The following TANGO6 variants were observed in gnomAD, a reference collection of about 807,000 sequenced individuals.
TANGO6 encodes the protein transport and golgi organization 6 homolog.
Under a neutral mutation model 114.2 loss-of-function variants are expected in TANGO6, and 90 were observed. That is an observed-to-expected ratio of 0.79 (90% confidence interval 0.66 to 0.94). The LOEUF is 0.94. Among genes scored for constraint, TANGO6 ranks in the 40% least tolerant of loss-of-function variants. TANGO6 has a pLI of 0.00. For synonymous variants in TANGO6, 477 were observed against 509.8 expected, an observed-to-expected ratio of 0.94 and a Z score of 0.87; for missense variants, 1,274 against 1,315.3, an observed-to-expected ratio of 0.97 and a Z score of 0.49.
At chr16:69,023,413 G>A (rs1475710991) in intron 16 of TANGO6, among the ~76,000 whole-genome samples, 2 of 151,948 alleles carry the variant, frequency 1.3e-5, no homozygotes, top group Non-Finnish European at 2.9e-5. Flanking sequence ...CCAAGATCAC[G>A]CCACTGCACT....
rs369107985 is a variant in TANGO6 at position 68,860,277 on chromosome 16, C to T, written c.488C>T (p.Pro163Leu). Residue 163 changes from proline (P) to leucine (L), a missense_variant, in exon 2 of 18, where the codon CCT becomes CTT. Around this residue, in one of 5 missense-constraint regions of TANGO6, gnomAD observed 908 missense variants for 910.2 expected, o/e 1.00. Coordinates refer to ENST00000261778, the MANE Select transcript of TANGO6 (RefSeq NM_024562.2). ...VTLGICPYLM[P>L]GVGVPLRYRT... ...TTGGGTATCTGCCCCTATCTCATGC[C>T]TGGTGTTGGAGTCCCTTTGAGATAT... 3 of 1,613,836 alleles carry T rather than the reference C, an allele frequency of 1.9e-6. No homozygotes were observed. In the Admixed American group the frequency reaches 5.0e-5, roughly 27 times the overall value.
rs571655235 is a variant in TANGO6, at chr16:68,928,386, G to A, written c.2643+303G>A. ...GTGGTGCAATCTCGGCTCACTGCAA[G>A]CTCCGCCTTCTGGGTTCACACCATT... On this transcript the variant is annotated intron_variant, in intron 13 of 17. Coordinates refer to ENST00000261778, the MANE Select transcript of TANGO6 (RefSeq NM_024562.2). Among the ~76,000 whole-genome samples, 29 of 138,526 alleles carry A rather than the reference G, an allele frequency of 2.1e-4. No individual in the cohort carries two copies. In the South Asian group the frequency reaches 6.0e-3, roughly 29 times the overall value. 90.9% of individuals were successfully genotyped at this position (138,526 alleles called of 152,430 possible).
At chr16:68,964,507 T>G (rs1178364318) in intron 14 of TANGO6, among the ~76,000 whole-genome samples, 1 of 151,940 alleles carries the variant, frequency 6.6e-6, no homozygotes, top group East Asian at 1.9e-4. Context: ...ATCTTGCTTT[T>G]TACTTAACAA....
intron 17 of TANGO6, among the ~76,000 whole-genome samples, chr16:69,054,940 CAAAAAA>C (rs35840863): frequency 1.5e-5 from 1 of 68,928 alleles, no homozygotes; most frequent in African/African-American, 6.0e-5. Flanking sequence ...GACTCCGTCT[CAAAAAA>C]AAAAAAAAAA....
intron 15 of TANGO6, among the ~76,000 whole-genome samples, chr16:69,020,345 G>A (rs929358640): frequency 6.6e-6 from 1 of 152,182 alleles, no homozygotes; most frequent in Non-Finnish European, 1.5e-5. Context: ...GACCTGATGG[G>A]ATCAGAGATG....
At chr16:69,005,431 C>T (rs1964083646) in intron 15 of TANGO6, among the ~76,000 whole-genome samples, 1 of 152,114 alleles carries the variant, frequency 6.6e-6, no homozygotes, top group Non-Finnish European at 1.5e-5. Flanking sequence ...GCTCCCAAGC[C>T]AGAGGTCTTA....
intron 15 of TANGO6, among the ~76,000 whole-genome samples, chr16:68,980,411 A>C (rs9922646): frequency 0.35 from 14,390 of 40,752 alleles, 2,131 homozygotes; most frequent in Non-Finnish European, 0.44. Context: ...CTCTCTCTCT[A>C]TATATATATA....
intron 11 of TANGO6, among the ~76,000 whole-genome samples, chr16:68,909,976 A>T (rs879850425): frequency 3.9e-5 from 6 of 152,224 alleles, no homozygotes; most frequent in Non-Finnish European, 5.9e-5. Context: ...TTAGAGGAGT[A>T]TCACTATGCG....
At chr16:69,034,638 G>A (rs919879236) in intron 16 of TANGO6, 3 of 152,192 alleles carry the variant, frequency 2.0e-5, no homozygotes, top group African/African-American at 4.8e-5. Context: ...CGTGGTCTGC[G>A]GGCATCAGTG....
intron 1 of TANGO6, among the ~76,000 whole-genome samples, chr16:68,858,423 A>G (rs1430511967): frequency 6.6e-6 from 1 of 152,076 alleles, no homozygotes; most frequent in Non-Finnish European, 1.5e-5. Context: ...TAGGGTTTTT[A>G]TTTTTGTCTT....
At chr16:69,057,862 T>A (rs894784130) in intron 17 of TANGO6, among the ~76,000 whole-genome samples, 1 of 152,160 alleles carries the variant, frequency 6.6e-6, no homozygotes, top group Non-Finnish European at 1.5e-5. Context: ...CTTCTTTCTT[T>A]ACCCTTCCTC....
chr16:68,866,491 C>T (rs1372633600), intron 3 of TANGO6, among the ~76,000 whole-genome samples: 6 of 150,430 alleles, frequency 4.0e-5, no homozygotes, highest in Non-Finnish European at 8.9e-5. Context: ...GGCGCGGTGG[C>T]GGGCGCCTGT....
At chr16:68,903,109 G>A (rs751472099) in intron 9 of TANGO6, among the ~76,000 whole-genome samples, 1 of 152,146 alleles carries the variant, frequency 6.6e-6, no homozygotes, top group African/African-American at 2.4e-5. Context: ...TAACATTCAT[G>A]GGTGACTGCT....
intron 17 of TANGO6, among the ~76,000 whole-genome samples, chr16:69,056,898 T>C (rs1036356544): frequency 2.0e-5 from 3 of 151,800 alleles, no homozygotes. Flanking sequence ...GCCAGGATGG[T>C]CTCGATCTCC....
At chr16:68,987,488 C>A (rs577520200) in intron 15 of TANGO6, among the ~76,000 whole-genome samples, 1 of 152,136 alleles carries the variant, frequency 6.6e-6, no homozygotes, top group African/African-American at 2.4e-5. Flanking sequence ...CATGCCTCAG[C>A]CTTCCGAGTG....
chr16:68,871,498 A>G (rs1384548288), intron 4 of TANGO6, among the ~76,000 whole-genome samples: 1 of 152,110 alleles, frequency 6.6e-6, no homozygotes, highest in Non-Finnish European at 1.5e-5. Flanking sequence ...CTCCCCTCAG[A>G]TCTCTCTTTC....
intron 15 of TANGO6, among the ~76,000 whole-genome samples, chr16:68,990,355 T>C (rs1320930890): frequency 2.0e-5 from 3 of 152,140 alleles, no homozygotes; most frequent in African/African-American, 7.2e-5. Flanking sequence ...TGCCACATGG[T>C]GGCAGGTAAA....
At chr16:68,901,557 C>T (rs530704871) in intron 8 of TANGO6, among the ~76,000 whole-genome samples, 24 of 152,236 alleles carry the variant, frequency 1.6e-4, no homozygotes, top group African/African-American at 5.5e-4. Context: ...GGTGCGATCT[C>T]GGCTCACTGC....
Position 68,932,991 on chromosome 16 carries a change from T to G in TANGO6, c.2701+2696T>G, listed in dbSNP as rs148889641. ...CACAGTGTTCAATATGTGTTAGCTA[T>G]TAATATTTTAGTGTTGTTATCATCA... On this transcript the variant is annotated intron_variant, in intron 14 of 17. Coordinates refer to ENST00000261778, the MANE Select transcript of TANGO6 (RefSeq NM_024562.2). Among the ~76,000 whole-genome samples, 1,229 of 152,340 alleles carry G rather than the reference T, an allele frequency of 8.1e-3. 19 individuals are homozygous for G. Among genetic ancestry groups the G allele is most frequent in the African/African-American group, 0.027 (1,135 of 41,572 alleles).
Sources: allele counts gnomAD v4.1 joint callset (sites outside exome capture counted in the v4.1 genomes callset), GRCh38; gene constraint gnomAD v4.1.1; regional missense constraint gnomAD v4.1.1; transcripts MANE v1.5; gene names NCBI Gene and HGNC (gene_info 2026-07-23, HGNC 2026-07-21).